FARS2: variants seen among roughly 807,000 people sequenced by gnomAD.
The protein encoded by FARS2 is phenylalanyl-tRNA synthetase 2, mitochondrial, also known as phenylalanine--tRNA ligase, mitochondrial.
In FARS2, 40 loss-of-function variants were observed where a neutral mutation model predicts 46.4. The ratio of observed to expected loss-of-function variants is 0.86; its 90% CI spans 0.67 to 1.12. FARS2 has a LOEUF of 1.12. FARS2 is among the 50% of genes most tolerant of loss of function. FARS2 has a pLI of 0.00. For missense variants in FARS2, 513 were observed against 567.9 expected, an observed-to-expected ratio of 0.90 and a Z score of 0.98; for synonymous variants, 234 against 214.9, an observed-to-expected ratio of 1.09 and a Z score of -0.78.
chr6:5,300,715 G>C (rs1768238389), intron 1 of FARS2, among the ~76,000 whole-genome samples: 1 of 151,844 alleles, frequency 6.6e-6, no homozygotes, highest in South Asian at 2.1e-4. Context: ...CTGTTGCCTA[G>C]GCTGGAGTGC....
intron 2 of FARS2, among the ~76,000 whole-genome samples, chr6:5,387,574 C>T (rs950046530): frequency 3.3e-5 from 5 of 152,188 alleles, no homozygotes; most frequent in African/African-American, 4.8e-5. Context: ...TTGGAGAGAA[C>T]AGCTAATACT....
At chr6:5,681,906 T>C (rs1489000693) in intron 6 of FARS2, among the ~76,000 whole-genome samples, 1 of 152,088 alleles carries the variant, frequency 6.6e-6, no homozygotes, top group Non-Finnish European at 1.5e-5. Context: ...ATTTAGAGCT[T>C]TCTAACAGCA....
chr6:5,762,601 A>G (rs1762533326), intron 6 of FARS2, among the ~76,000 whole-genome samples: 1 of 152,242 alleles, frequency 6.6e-6, no homozygotes, highest in Non-Finnish European at 1.5e-5. Flanking sequence ...ATTTGATGTT[A>G]AAAAGCATTT....
intron 1 of FARS2, among the ~76,000 whole-genome samples, chr6:5,357,510 G>A (rs1228715270): frequency 6.6e-6 from 1 of 152,192 alleles, no homozygotes; most frequent in Admixed American, 6.5e-5. Flanking sequence ...AGACAATTGG[G>A]AAGAGAGAAG....
chr6:5,395,131 A>G (rs1581978245), intron 2 of FARS2, among the ~76,000 whole-genome samples: 1 of 152,040 alleles, frequency 6.6e-6, no homozygotes, highest in Non-Finnish European at 1.5e-5. Flanking sequence ...GCTCGCTTCA[A>G]CCTCTGCCTC....
intron 6 of FARS2, among the ~76,000 whole-genome samples, chr6:5,618,053 T>A (rs903345573): frequency 3.3e-5 from 5 of 152,232 alleles, no homozygotes; most frequent in African/African-American, 9.6e-5. Context: ...TACTCAAGTC[T>A]GCAAGTGCAA....
chr6:5,392,123 C>A (rs1760555851), intron 2 of FARS2, among the ~76,000 whole-genome samples: 1 of 152,178 alleles, frequency 6.6e-6, no homozygotes, highest in Non-Finnish European at 1.5e-5. Flanking sequence ...TCCCTGGAAT[C>A]AAGGGTGAGA....
At chr6:5,545,615 C>A (rs1426954134) in intron 5 of FARS2, among the ~76,000 whole-genome samples, 1 of 152,022 alleles carries the variant, frequency 6.6e-6, no homozygotes, top group Non-Finnish European at 1.5e-5. Flanking sequence ...CCCTTGCCTG[C>A]CACCCCGCAA....
intron 6 of FARS2, among the ~76,000 whole-genome samples, chr6:5,627,892 C>G (rs567215213): frequency 6.6e-6 from 1 of 152,200 alleles, no homozygotes; most frequent in Non-Finnish European, 1.5e-5. Context: ...ATGATGATTT[C>G]TTGAAAGGGA....
chr6:5,610,315 A>T, intron 5 of FARS2: 1 of 412,902 alleles, frequency 2.4e-6, no homozygotes, highest in African/African-American at 2.0e-5. Context: ...TCTTTTTAAA[A>T]AAAAAAAAAA....
chr6:5,709,745 T>TGTGC (rs1359182486), intron 6 of FARS2, among the ~76,000 whole-genome samples: 95 of 150,528 alleles, frequency 6.3e-4, no homozygotes, highest in Middle Eastern at 3.5e-3. Context: ...TGTGTGTGTG[T>TGTGC]GCGCGCGCGC....
intron 2 of FARS2, among the ~76,000 whole-genome samples, chr6:5,372,079 A>G (rs542221366): frequency 1.3e-5 from 2 of 152,274 alleles, no homozygotes; most frequent in Admixed American, 6.5e-5. Context: ...AAAGAGGGGT[A>G]GTTCCTCAAT....
In FARS2 at chr6:5,551,018, C is replaced by G. The variant is rs953903260; in HGVS notation, c.1065+5678C>G. ...TTCAGCAAAACCCCTAACTTTTTGT[C>G]TTTTTCAGTATAGATAGGCTAAGAA... is the stretch of plus-strand genomic sequence containing the variant. On this transcript the variant is annotated intron_variant, in intron 5 of 6. Transcript: ENST00000274680. 2.6e-5 allele frequency among the ~76,000 whole-genome samples: 4 copies of G among 152,300 alleles called. No homozygotes were observed. In the East Asian group the frequency reaches 7.7e-4, roughly 29 times the overall value.
intron 5 of FARS2, among the ~76,000 whole-genome samples, chr6:5,556,267 T>C (rs1771651132): frequency 6.6e-6 from 1 of 152,070 alleles, no homozygotes; most frequent in Non-Finnish European, 1.5e-5. Flanking sequence ...ATGGGATTAG[T>C]GGGGAGTGTG....
chr6:5,492,376 A>G (rs977500528), intron 4 of FARS2, among the ~76,000 whole-genome samples: 3 of 152,260 alleles, frequency 2.0e-5, no homozygotes, highest in Non-Finnish European at 2.9e-5. Flanking sequence ...AAGATAGTGT[A>G]TATTCGACTT....
intron 1 of FARS2, among the ~76,000 whole-genome samples, chr6:5,322,356 T>A (rs1225034588): frequency 6.6e-6 from 1 of 152,224 alleles, no homozygotes; most frequent in Non-Finnish European, 1.5e-5. Context: ...TAAAAACAAA[T>A]TCATGTTTGC....
At chr6:5,334,053 G>T (rs1447091061) in intron 1 of FARS2, among the ~76,000 whole-genome samples, 1 of 152,146 alleles carries the variant, frequency 6.6e-6, no homozygotes, top group Non-Finnish European at 1.5e-5. Flanking sequence ...TATGAATATG[G>T]TGGCCCTCTG....
intron 4 of FARS2, among the ~76,000 whole-genome samples, chr6:5,460,114 G>C (rs1765157619): frequency 6.6e-6 from 1 of 152,194 alleles, no homozygotes; most frequent in African/African-American, 2.4e-5. Flanking sequence ...TTAGTAAACT[G>C]TAATTACCTT....
chr6:5,643,060 G>C (rs181769220), intron 6 of FARS2, among the ~76,000 whole-genome samples: 6 of 152,288 alleles, frequency 3.9e-5, no homozygotes, highest in African/African-American at 1.4e-4. Flanking sequence ...TGAGTTTCAG[G>C]AAAAAGCTTG....
Sources: gnomAD v4.1 joint callset for allele counts (sites outside exome capture counted in the v4.1 genomes callset) on GRCh38, gnomAD v4.1.1 for gene constraint, MANE v1.5 for transcripts, NCBI Gene and HGNC (gene_info 2026-07-23, HGNC 2026-07-21) for gene names.